The following SPECC1L variants were observed in gnomAD, a reference collection of about 807,000 sequenced individuals.
SPECC1L encodes the protein sperm antigen with calponin homology and coiled-coil domains 1 like.
A neutral mutation model predicts 116.8 loss-of-function variants in SPECC1L; 40 were observed. The ratio of observed to expected loss-of-function variants is 0.34; its 90% CI spans 0.27 to 0.45. The LOEUF is 0.45. Among genes scored for constraint, SPECC1L ranks in the 20% least tolerant of loss-of-function variants. The pLI, the probability that SPECC1L is intolerant of heterozygous loss-of-function variation, is 1.00. For synonymous variants in SPECC1L, 504 were observed against 500.6 expected, an observed-to-expected ratio of 1.01 and a Z score of -0.09; for missense variants, 1,110 against 1,373.6, an observed-to-expected ratio of 0.81 and a Z score of 3.03.
At chr22:24,389,611 A>AT (rs1230105970) in intron 14 of SPECC1L, among the ~76,000 whole-genome samples, 1 of 144,166 alleles carries the variant, frequency 6.9e-6, no homozygotes, top group Non-Finnish European at 1.5e-5. Context: ...ATTCTTTTTT[A>AT]TTTTCCCTAC....
At chr22:24,409,859 TACAAAA>T (rs2042659183) in intron 14 of SPECC1L, among the ~76,000 whole-genome samples, 2 of 152,008 alleles carry the variant, frequency 1.3e-5, no homozygotes, top group African/African-American at 2.4e-5. Context: ...ACCTCATCTC[TACAAAA>T]AAACAAACAA....
chr22:24,302,083 T>G, intron 2 of SPECC1L, 112 bp from the exon 3 acceptor site: 1 of 849,526 alleles, frequency 1.2e-6, no homozygotes, highest in South Asian at 1.6e-5. Flanking sequence ...TTTTCTGTAG[T>G]GACATCTAGC....
chr22:24,402,447 CCTCA>C (rs76182758), intron 14 of SPECC1L, among the ~76,000 whole-genome samples: 2,971 of 152,266 alleles, frequency 0.02, 47 homozygotes, highest in African/African-American at 0.042. Flanking sequence ...ACCTCACTCA[CCTCA>C]CTCAGGCTCC....
chr22:24,385,840 C>G (rs1249359935), intron 14 of SPECC1L, among the ~76,000 whole-genome samples: 1 of 152,128 alleles, frequency 6.6e-6, no homozygotes, highest in Non-Finnish European at 1.5e-5. Flanking sequence ...ATAGAAAAAG[C>G]AAATGAAATT....
chr22:24,329,022 T>G, intron 7 of SPECC1L, 103 bp downstream of exon 7: 1 of 864,362 alleles, frequency 1.2e-6, no homozygotes, highest in Non-Finnish European at 1.9e-6. Flanking sequence ...TTGGATACAG[T>G]GATAATACTG....
chr22:24,331,506 TCTA>T (rs1178009774), intron 8 of SPECC1L, among the ~76,000 whole-genome samples: 1 of 152,222 alleles, frequency 6.6e-6, no homozygotes, highest in African/African-American at 2.4e-5. Flanking sequence ...TGAATGAAAT[TCTA>T]CTGTTAAAGT....
chr22:24,382,753 G>A (rs2042086365), intron 14 of SPECC1L, among the ~76,000 whole-genome samples: 2 of 151,320 alleles, frequency 1.3e-5, no homozygotes, highest in South Asian at 4.2e-4. Flanking sequence ...CAGCATGGTG[G>A]CACCTGTCTG....
chr22:24,350,238 T>C (rs1601593218), intron 11 of SPECC1L, among the ~76,000 whole-genome samples: 1 of 152,228 alleles, frequency 6.6e-6, no homozygotes, highest in East Asian at 1.9e-4. Flanking sequence ...CTCTGCTTGC[T>C]CTCCTTATCA....
At chr22:24,286,053 G>A (rs1021453854) in intron 2 of SPECC1L, among the ~76,000 whole-genome samples, 6 of 152,194 alleles carry the variant, frequency 3.9e-5, no homozygotes, top group Non-Finnish European at 5.9e-5. Flanking sequence ...AATCAGATTC[G>A]ACAGGCAACA....
At chr22:24,294,498 C>T (rs540995353) in intron 2 of SPECC1L, among the ~76,000 whole-genome samples, 10 of 151,422 alleles carry the variant, frequency 6.6e-5, no homozygotes, top group Non-Finnish European at 1.2e-4. Context: ...TCTTCTGCCT[C>T]AGCCTCCCAA....
Position 24,417,599 on chromosome 22 carries a change from G to C in SPECC1L, c.*2976G>C, listed in dbSNP as rs2042826096. ...AGCCCAGACACATGCCTTCCCTGGG[G>C]GCTGGGGAGTGTGTCTCGAGGGGTT... is the stretch of plus-strand genomic sequence containing the variant. On this transcript the variant is annotated 3_prime_UTR_variant, in exon 17 of 17. Transcript: ENST00000314328. 6.6e-6 allele frequency: 1 copy of C among 152,214 alleles called. No individual in the cohort carries two copies. Among genetic ancestry groups the C allele is most frequent in the Non-Finnish European group, 1.5e-5 (1 of 68,056 alleles). 9.4% of individuals were successfully genotyped at this position (152,214 alleles called of 1,614,324 possible).
chr22:24,346,305 G>A (rs1014589328), intron 10 of SPECC1L, among the ~76,000 whole-genome samples: 2 of 152,158 alleles, frequency 1.3e-5, no homozygotes, highest in African/African-American at 4.8e-5. Flanking sequence ...GCGCCTGGCC[G>A]TGGTGGATTC....
intron 3 of SPECC1L, among the ~76,000 whole-genome samples, chr22:24,309,587 G>T (rs1234161847): frequency 6.6e-6 from 1 of 152,130 alleles, no homozygotes; most frequent in African/African-American, 2.4e-5. Flanking sequence ...TTTTAGTAGA[G>T]ACGGGGTTTC....
intron 14 of SPECC1L, among the ~76,000 whole-genome samples, chr22:24,382,323 CACTG>C (rs1157123683): frequency 1.3e-5 from 2 of 152,108 alleles, no homozygotes; most frequent in African/African-American, 4.8e-5. Context: ...GTTTCAGAAT[CACTG>C]AGTAGCAGGA....
intron 10 of SPECC1L, among the ~76,000 whole-genome samples, chr22:24,343,804 A>T (rs1372386286): frequency 8.5e-5 from 12 of 141,798 alleles, no homozygotes; most frequent in Non-Finnish European, 1.5e-4. Context: ...CTGTGTATTT[A>T]AAAAAAAAAA....
intron 14 of SPECC1L, among the ~76,000 whole-genome samples, chr22:24,385,184 T>C (rs575346372): frequency 2.6e-5 from 4 of 152,212 alleles, no homozygotes; most frequent in African/African-American, 9.6e-5. Flanking sequence ...TTTTTGACTT[T>C]TTCAGTGTGG....
chr22:24,384,838 A>G (rs754928107), intron 14 of SPECC1L, among the ~76,000 whole-genome samples: 1 of 152,166 alleles, frequency 6.6e-6, no homozygotes, highest in Non-Finnish European at 1.5e-5. Context: ...GCACTTTGGG[A>G]GGCCAAGGTG....
chr22:24,273,645 G>A (rs1391555435), intron 1 of SPECC1L, among the ~76,000 whole-genome samples: 1 of 152,186 alleles, frequency 6.6e-6, no homozygotes, highest in Non-Finnish European at 1.5e-5. Context: ...GTAAATATGA[G>A]TTTATTTTGA....
At chr22:24,363,857 T>C (rs2041694172) in intron 12 of SPECC1L, among the ~76,000 whole-genome samples, 1 of 138,156 alleles carries the variant, frequency 7.2e-6, no homozygotes, top group South Asian at 2.3e-4. Context: ...AATGCAGAGT[T>C]ACATTCTGCT....
Sources: allele counts gnomAD v4.1 joint callset (sites outside exome capture counted in the v4.1 genomes callset), GRCh38; gene constraint gnomAD v4.1.1; transcripts MANE v1.5; gene names NCBI Gene and HGNC (gene_info 2026-07-23, HGNC 2026-07-21).